The following TSHR variants were observed in gnomAD, a reference collection of about 807,000 sequenced individuals.
TSHR encodes the protein thyrotropin receptor.
TSHR carries 51 observed loss-of-function variants against 64.1 expected under a neutral mutation model. The ratio of observed to expected loss-of-function variants is 0.80; its 90% CI spans 0.64 to 1.01. The LOEUF (loss-of-function observed/expected upper bound fraction) is 1.01. Ranked by LOEUF, TSHR falls within the 50% of genes least tolerant of loss-of-function variation. The pLI is 0.00. For synonymous variants in TSHR, 361 were observed against 361.9 expected (o/e 1.00, Z 0.03); for missense variants, 877 against 942.8 (o/e 0.93, Z 0.91).
intron 1 of TSHR, chr14:80,982,242 TG>T: frequency 1.6e-6 from 1 of 642,338 alleles, no homozygotes; most frequent in African/African-American, 1.8e-5. Flanking sequence ...GCAAAGCCAC[TG>T]GAGATTTCAG....
chr14:81,117,081 G>A (rs1219950745), intron 8 of TSHR, among the ~76,000 whole-genome samples: 1 of 105,826 alleles, frequency 9.4e-6, no homozygotes, highest in Non-Finnish European at 1.8e-5. Flanking sequence ...GAGAAAGCAG[G>A]AAAGATCCAA....
chr14:81,022,678 G>A (rs762913648), intron 1 of TSHR, among the ~76,000 whole-genome samples: 3 of 151,648 alleles, frequency 2.0e-5, no homozygotes, highest in Non-Finnish European at 2.9e-5. Context: ...AAAATTAGCC[G>A]GGCATGGTGG....
chr14:81,066,603 T>C (rs144391947), intron 2 of TSHR, among the ~76,000 whole-genome samples: 289 of 152,324 alleles, frequency 1.9e-3, no homozygotes, highest in African/African-American at 6.8e-3. Context: ...AAACATTGCA[T>C]CGATGAGGAT....
At chr14:81,008,880 G>A (rs1847700031) in intron 1 of TSHR, among the ~76,000 whole-genome samples, 1 of 152,114 alleles carries the variant, frequency 6.6e-6, no homozygotes, top group Admixed American at 6.5e-5. Flanking sequence ...ATCTGTCCAT[G>A]ATATATAGCA....
intron 1 of TSHR, among the ~76,000 whole-genome samples, chr14:80,960,823 C>A (rs1319158402): frequency 1.3e-5 from 2 of 152,204 alleles, no homozygotes; most frequent in Non-Finnish European, 2.9e-5. Context: ...CTACTGTGGG[C>A]AAGGAACTGG....
intron 3 of TSHR, among the ~76,000 whole-genome samples, chr14:81,081,582 T>C (rs1028092940): frequency 6.6e-6 from 1 of 152,238 alleles, no homozygotes; most frequent in African/African-American, 2.4e-5. Context: ...TAAAGATCAC[T>C]GTGCATTAAA....
intron 3 of TSHR, among the ~76,000 whole-genome samples, chr14:81,085,827 G>A (rs1050322695): frequency 2.0e-5 from 3 of 152,104 alleles, no homozygotes; most frequent in Non-Finnish European, 4.4e-5. Flanking sequence ...GGAAAGCTCT[G>A]GCAAGGAGTT....
At chr14:81,099,038 G>A (rs1050030630) in intron 7 of TSHR, among the ~76,000 whole-genome samples, 1 of 152,064 alleles carries the variant, frequency 6.6e-6, no homozygotes, top group Non-Finnish European at 1.5e-5. Flanking sequence ...AGACCTTAAG[G>A]TCTACAGAGC....
At chr14:81,017,177 A>G (rs1883459609) in intron 1 of TSHR, among the ~76,000 whole-genome samples, 1 of 152,244 alleles carries the variant, frequency 6.6e-6, no homozygotes, top group Admixed American at 6.5e-5. Context: ...ATAATGGAAC[A>G]CTAGGCATAA....
intron 2 of TSHR, 37 bp from the exon 3 acceptor site, chr14:81,068,216 TA>T (rs780630120): frequency 1.1e-5 from 18 of 1,599,006 alleles, no homozygotes; most frequent in African/African-American, 1.3e-5. Context: ...ACAACCTTAC[TA>T]ACTTTCTACT....
At chr14:81,046,693 C>G (rs1289482529) in intron 1 of TSHR, among the ~76,000 whole-genome samples, 1 of 151,898 alleles carries the variant, frequency 6.6e-6, no homozygotes, top group Admixed American at 6.6e-5. Flanking sequence ...AACTCTAACC[C>G]CATAAATTCA....
At chr14:81,072,604 A>C (rs901250033) in intron 3 of TSHR, among the ~76,000 whole-genome samples, 4 of 152,140 alleles carry the variant, frequency 2.6e-5, no homozygotes, top group Non-Finnish European at 5.9e-5. Flanking sequence ...ACTCCAAATA[A>C]TCAGCATTTA....
chr14:80,975,108 C>T (rs528329729), intron 1 of TSHR, among the ~76,000 whole-genome samples: 1 of 152,286 alleles, frequency 6.6e-6, no homozygotes, highest in East Asian at 1.9e-4. Flanking sequence ...AGACCAAGGA[C>T]ATCATTGTTC....
intron 1 of TSHR, among the ~76,000 whole-genome samples, chr14:80,985,424 G>A (rs1381192601): frequency 6.6e-6 from 1 of 152,196 alleles, no homozygotes; most frequent in Non-Finnish European, 1.5e-5. Flanking sequence ...CGGCTAACAC[G>A]ACAGAATAAA....
At chr14:80,982,290 TA>T in intron 1 of TSHR, 1 of 898,684 alleles carries the variant, frequency 1.1e-6, no homozygotes, top group Non-Finnish European at 1.7e-6. Flanking sequence ...GCTCCACATG[TA>T]AAAATGGGGC....
At position 81,143,846 on chromosome 14, in the gene TSHR, C is replaced by T. The variant is rs146917060; in HGVS notation, c.1788C>T (p.Ile596=). The T allele has an allele frequency of 9.0e-5, 145 of 1,613,802 alleles. No individual in the cohort carries two copies. The highest frequency in any genetic ancestry group is 1.1e-4 in the Non-Finnish European group (132 of 1,179,984). Residue 596 remains isoleucine, a synonymous_variant, in exon 10 of 10, where the codon ATC becomes ATT. Coordinates refer to ENST00000298171, the MANE Select transcript of TSHR (RefSeq NM_000369.5). ...VLTLNIVAFV[I]VCCCYVKIYI... ...CGCTCAACATAGTTGCCTTCGTCAT[C>T]GTCTGCTGCTGTTATGTGAAGATCT...
intron 1 of TSHR, among the ~76,000 whole-genome samples, chr14:81,055,600 C>T (rs981962462): frequency 2.0e-5 from 3 of 152,192 alleles, no homozygotes; most frequent in African/African-American, 7.2e-5. Flanking sequence ...GAACTCAACC[C>T]TTGCATCAGT....
chr14:81,096,747 A>G (rs758720874), intron 7 of TSHR, 40 bp downstream of exon 7: 32 of 1,598,820 alleles, frequency 2.0e-5, no homozygotes, highest in Non-Finnish European at 2.6e-5. Context: ...ACTTTCCCTT[A>G]CCCTAAGAAC....
intron 1 of TSHR, 29 bp from the exon 2 acceptor site, chr14:81,062,119 C>T (rs749356814): frequency 8.2e-5 from 129 of 1,573,668 alleles, no homozygotes; most frequent in Non-Finnish European, 1.0e-4. Flanking sequence ...ATGATTAAAA[C>T]TCTAATTATG....
Sources: allele counts gnomAD v4.1 joint callset (sites outside exome capture counted in the v4.1 genomes callset), GRCh38; gene constraint gnomAD v4.1.1; transcripts MANE v1.5; gene names NCBI Gene and HGNC (gene_info 2026-07-23, HGNC 2026-07-21).